INO80: variants seen among roughly 807,000 people sequenced by gnomAD.
INO80 encodes the protein chromatin-remodeling ATPase INO80.
INO80 carries 20 observed loss-of-function variants against 203.4 expected under a neutral mutation model. That is an observed-to-expected ratio of 0.10 (90% CI 0.07 to 0.14). The LOEUF is 0.14. INO80 is among the 10% of genes least tolerant of loss of function. The probability of loss-of-function intolerance (pLI) is 1.00; values close to 1 mark genes in which losing one functional copy is unlikely to be tolerated. For synonymous variants in INO80, 726 were observed against 685.2 expected (o/e 1.06, Z -0.93); for missense variants, 1,419 against 1,914.4 (o/e 0.74, Z 4.83).
intron 7 of INO80, among the ~76,000 whole-genome samples, chr15:41,082,337 G>A (rs925978121): frequency 3.3e-5 from 5 of 151,900 alleles, no homozygotes; most frequent in East Asian, 1.9e-4. Flanking sequence ...GTTGAGGCAG[G>A]AGGATCACTT....
intron 27 of INO80, among the ~76,000 whole-genome samples, chr15:41,015,161 A>G (rs1340450084): frequency 1.3e-5 from 2 of 152,226 alleles, no homozygotes; most frequent in African/African-American, 4.8e-5. Flanking sequence ...ACTTCAACAA[A>G]GAAGCAATTA....
intron 16 of INO80, among the ~76,000 whole-genome samples, chr15:41,057,488 G>A (rs1171039987): frequency 1.3e-5 from 2 of 148,948 alleles, no homozygotes; most frequent in African/African-American, 5.0e-5. Flanking sequence ...GATTGCTGTA[G>A]GAAGTAAGAC....
chr15:40,981,863 A>C (rs910225790), intron 35 of INO80, among the ~76,000 whole-genome samples: 1 of 152,128 alleles, frequency 6.6e-6, no homozygotes, highest in Non-Finnish European at 1.5e-5. Flanking sequence ...CTCCTCTTCC[A>C]TGGAACCTAA....
chr15:41,067,743 A>C (rs190829360), intron 14 of INO80, among the ~76,000 whole-genome samples: 1 of 152,330 alleles, frequency 6.6e-6, no homozygotes, highest in African/African-American at 2.4e-5. Flanking sequence ...CAACTACAGG[A>C]AACCCATCAC....
chr15:40,980,550 TTCC>T (rs1893788805), intron 35 of INO80, 110 bp from the exon 36 acceptor site: 1 of 739,762 alleles, frequency 1.4e-6, no homozygotes, highest in Non-Finnish European at 2.3e-6. Flanking sequence ...TGGTGGGCAA[TTCC>T]TCCCTGCCAC....
At chr15:40,994,128 CTTGA>C (rs1320782033) in intron 29 of INO80, among the ~76,000 whole-genome samples, 4 of 152,244 alleles carry the variant, frequency 2.6e-5, no homozygotes, top group Admixed American at 2.0e-4. Context: ...CTTCCTTTTG[CTTGA>C]TTATGCCAAG....
chr15:41,096,522 C>T (rs999824348), intron 1 of INO80, among the ~76,000 whole-genome samples, 169 bp from the exon 2 acceptor site: 1 of 152,076 alleles, frequency 6.6e-6, no homozygotes, highest in Non-Finnish European at 1.5e-5. Flanking sequence ...ACACTGCCTC[C>T]TAAAGCAAAG....
At chr15:41,029,671 G>A (rs1369026726) in intron 24 of INO80, among the ~76,000 whole-genome samples, 1 of 152,202 alleles carries the variant, frequency 6.6e-6, no homozygotes, top group African/African-American at 2.4e-5. Context: ...CATCTCCGTT[G>A]AAGTTCATTA....
At chr15:41,093,883 G>A (rs2140662435) in intron 4 of INO80, among the ~76,000 whole-genome samples, 1 of 152,138 alleles carries the variant, frequency 6.6e-6, no homozygotes, top group South Asian at 2.1e-4. Flanking sequence ...ATGAAAAGGT[G>A]AATTTTATGA....
intron 23 of INO80, 67 bp downstream of exon 23, chr15:41,047,341 C>T (rs551163925): frequency 4.5e-6 from 4 of 896,336 alleles, no homozygotes; most frequent in South Asian, 2.9e-5. Flanking sequence ...TTTAATTCCA[C>T]AGTATTCAAT....
Position 41,048,194 on chromosome 15 carries a change from A to G in INO80, c.2641+18T>C. ...AAAACCCTGACAAACCTACTTTCCC[A>G]AAGATCAAAACACCTACCTTTTCTG... On this transcript the variant is annotated intron_variant, in intron 22 of 35. Coordinates refer to ENST00000648947, the MANE Select transcript of INO80 (RefSeq NM_017553.3). 3 of 1,599,738 alleles carry G rather than the reference A, an allele frequency of 1.9e-6. No homozygotes were observed. Among genetic ancestry groups the G allele is most frequent in the Non-Finnish European group, 2.6e-6 (3 of 1,168,688 alleles).
At chr15:40,983,103 G>GAAA in intron 34 of INO80, 26 bp from the exon 35 acceptor site, 1 of 1,513,342 alleles carries the variant, frequency 6.6e-7, no homozygotes. Flanking sequence ...GGCCAAAAGG[G>GAAA]AAAGAAAAAA....
rs144592714 is a variant in INO80, at chr15:41,091,357, G to A, written c.537+670C>T. Among the ~76,000 whole-genome samples, 80 of 152,292 alleles carry A rather than the reference G, an allele frequency of 5.3e-4. 1 individual carries two copies. In the East Asian group the frequency reaches 0.014, roughly 26 times the overall value. ...TTACAGGCGTGAGCCACCGCACCCAGTCAGGAATTTTCTCTTTTTTTTAAG... is the reference window on the plus strand; with the variant it reads ...TTACAGGCGTGAGCCACCGCACCCAATCAGGAATTTTCTCTTTTTTTTAAG... On this transcript the variant is annotated intron_variant, in intron 5 of 35. Transcript: ENST00000648947.
chr15:41,097,838 A>G (rs2045747436), intron 1 of INO80, among the ~76,000 whole-genome samples: 1 of 151,872 alleles, frequency 6.6e-6, no homozygotes, highest in Admixed American at 6.6e-5. Flanking sequence ...CTGTAATCCC[A>G]CCTACTCAGG....
At position 40,979,806 on chromosome 15, in the gene INO80, CTT is replaced by C. The variant is rs1162958506; in HGVS notation, c.*415_*416del. ...TACTAGCCCTATGAGAAATCACACTCTTAAGAGAAATCTCTACCATGGAAGGC... is the reference window on the plus strand; with the variant it reads ...TACTAGCCCTATGAGAAATCACACTCAAGAGAAATCTCTACCATGGAAGGC... On this transcript the variant is annotated 3_prime_UTR_variant, in exon 36 of 36. Coordinates refer to ENST00000648947, the MANE Select transcript of INO80 (RefSeq NM_017553.3). The C allele has an allele frequency of 8.3e-5, 18 of 217,492 alleles. No homozygotes were observed. In the South Asian group the frequency reaches 1.2e-3, roughly 14 times the overall value. The allele number at this position is 217,492 out of a possible 1,614,324, so 13.5% of individuals were successfully genotyped here.
chr15:40,989,079 T>C (rs1168521612), intron 29 of INO80, among the ~76,000 whole-genome samples: 2 of 151,524 alleles, frequency 1.3e-5, no homozygotes, highest in Non-Finnish European at 2.9e-5. Flanking sequence ...CTCAGGAGGC[T>C]GAGGCAGGAG....
intron 17 of INO80, among the ~76,000 whole-genome samples, chr15:41,056,022 G>T (rs932699523): frequency 7.5e-6 from 1 of 133,650 alleles, no homozygotes; most frequent in Non-Finnish European, 1.5e-5. Context: ...TCGGCTCATT[G>T]TAACTTTGAC....
intron 4 of INO80, among the ~76,000 whole-genome samples, chr15:41,095,377 T>C (rs191672947): frequency 2.0e-4 from 30 of 152,290 alleles, no homozygotes; most frequent in African/African-American, 7.2e-4. Context: ...GTCTCAAGCA[T>C]TTCAGATTAG....
At chr15:41,109,660 G>A (rs1016936698) in intron 1 of INO80, among the ~76,000 whole-genome samples, 17 of 150,100 alleles carry the variant, frequency 1.1e-4, no homozygotes, top group African/African-American at 3.2e-4. Context: ...TGCCAGGTGC[G>A]GTGGCTCACA....
Sources: gnomAD v4.1 joint callset for allele counts (sites outside exome capture counted in the v4.1 genomes callset) on GRCh38, gnomAD v4.1.1 for gene constraint, MANE v1.5 for transcripts, NCBI Gene and HGNC (gene_info 2026-07-23, HGNC 2026-07-21) for gene names.